ARNT: variants seen among roughly 807,000 people sequenced by gnomAD.
ARNT encodes the protein aryl hydrocarbon receptor nuclear translocator.
In ARNT, 30 loss-of-function variants were observed where a neutral mutation model predicts 105.0. That is an observed-to-expected ratio of 0.29 (90% CI 0.21 to 0.39). ARNT has a LOEUF of 0.39. Ranked by LOEUF, ARNT falls within the 10% of genes least tolerant of loss-of-function variation. ARNT has a pLI of 1.00. For missense variants in ARNT, 748 were observed against 978.7 expected (o/e 0.76, Z 3.15); for synonymous variants, 304 against 344.0 (o/e 0.88, Z 1.29).
rs1432458980 is a variant in ARNT at position 150,816,388 on chromosome 1, A to T, written c.1821T>A (p.Pro607=). ...CTGATGGCTGGACAATGGTTACAGG[A>T]GGGGCTAGGCCACTATTCCTAGGAG... ...AENFRNSGLA[P]PVTIVQPSAS... is the part of the protein sequence containing the mutation. Residue 607 remains proline, a synonymous_variant, in exon 19 of 22, where the codon CCT becomes CCA. Transcript: ENST00000358595. 6.2e-7 allele frequency: 1 copy of T among 1,606,318 alleles called. No individual in the cohort carries two copies. Among genetic ancestry groups the T allele is most frequent in the Non-Finnish European group, 8.5e-7 (1 of 1,177,922 alleles).
chr1:150,856,478 T>C (rs1211535486), intron 2 of ARNT, among the ~76,000 whole-genome samples: 1 of 150,400 alleles, frequency 6.6e-6, no homozygotes, highest in Non-Finnish European at 1.5e-5. Flanking sequence ...AAAAGAAATA[T>C]TAGGCCGGGC....
intron 8 of ARNT, among the ~76,000 whole-genome samples, chr1:150,833,710 A>G (rs1659752118): frequency 6.7e-6 from 1 of 150,212 alleles, no homozygotes; most frequent in African/African-American, 2.5e-5. Context: ...ACAGAATCCT[A>G]AAACGTACAG....
In ARNT at chr1:150,809,876, T is replaced by C. The variant is rs1312566748; in HGVS notation, c.*2145A>G. ...ATGGTCAGAGCATTCCTGCTGATGTTACTCAGAATGTGTCAGGATCAGGAG... is the reference window on the plus strand; with the variant it reads ...ATGGTCAGAGCATTCCTGCTGATGTCACTCAGAATGTGTCAGGATCAGGAG... On this transcript the variant is annotated 3_prime_UTR_variant, in exon 22 of 22. Coordinates refer to ENST00000358595, the MANE Select transcript of ARNT (RefSeq NM_001668.4). 4.5e-6 allele frequency: 1 copy of C among 224,110 alleles called. No homozygotes were observed. The highest frequency in any genetic ancestry group is 2.2e-5 in the African/African-American group (1 of 44,762). 13.9% of individuals were successfully genotyped at this position (224,110 alleles called of 1,614,324 possible).
At chr1:150,818,311 A>G (rs982058756) in intron 14 of ARNT, 1 of 272,866 alleles carries the variant, frequency 3.7e-6, no homozygotes, top group African/African-American at 2.2e-5. Context: ...ATATATTCAT[A>G]TAAGGTATTT....
chr1:150,850,595 CCAGGCTGGAGTGCAGTGGCGTGAT>C (rs1663174314), intron 3 of ARNT, among the ~76,000 whole-genome samples: 1 of 152,212 alleles, frequency 6.6e-6, no homozygotes, highest in Non-Finnish European at 1.5e-5. Flanking sequence ...TCAATGTTGC[CCAGGCTGGAGTGCAGTGGCGTGAT>C]CTCGGCTCGC....
intron 1 of ARNT, among the ~76,000 whole-genome samples, chr1:150,866,980 T>C (rs1481997095): frequency 6.6e-6 from 1 of 151,946 alleles, no homozygotes; most frequent in Non-Finnish European, 1.5e-5. Context: ...CCAAGGCAGG[T>C]GGATCACTTG....
chr1:150,812,412 T>C (rs930283795), intron 21 of ARNT, among the ~76,000 whole-genome samples: 1 of 152,208 alleles, frequency 6.6e-6, no homozygotes, highest in African/African-American at 2.4e-5. Flanking sequence ...ATGGAGTCTC[T>C]TATCCTATTT....
chr1:150,832,882 T>C (rs587751589), intron 8 of ARNT, among the ~76,000 whole-genome samples: 23 of 152,366 alleles, frequency 1.5e-4, no homozygotes, highest in African/African-American at 5.5e-4. Context: ...CTCTTGCCTA[T>C]GTCTTTGCAT....
At chr1:150,819,674 G>A (rs1656665687) in intron 14 of ARNT, among the ~76,000 whole-genome samples, 1 of 152,040 alleles carries the variant, frequency 6.6e-6, no homozygotes, top group African/African-American at 2.4e-5. Flanking sequence ...AGTTACAAAG[G>A]AATTACAAAG....
chr1:150,818,175 C>A (rs184607616), intron 14 of ARNT, 145 bp from the exon 15 acceptor site: 12 of 609,196 alleles, frequency 2.0e-5, no homozygotes, highest in African/African-American at 3.7e-5. Flanking sequence ...CATTAAAGTC[C>A]TATCCTATAG....
At chr1:150,814,511 T>C (rs912979617) in intron 19 of ARNT, among the ~76,000 whole-genome samples, 1 of 152,230 alleles carries the variant, frequency 6.6e-6, no homozygotes, top group African/African-American at 2.4e-5. Flanking sequence ...TGTGAAGTTA[T>C]ATAAAACTAG....
intron 12 of ARNT, among the ~76,000 whole-genome samples, chr1:150,827,709 A>T (rs1658559640): frequency 6.6e-6 from 1 of 152,224 alleles, no homozygotes; most frequent in South Asian, 2.1e-4. Flanking sequence ...TTGCTAGGTT[A>T]TAGGCTAAGA....
chr1:150,811,922 GA>G lies in ARNT; in HGVS notation c.*98del. ...GGTACATGTCAGGGGTGAGGGAAGG[GA>G]AGGGAGAGGAACTTTTATTCTGTTT... On this transcript the variant is annotated 3_prime_UTR_variant, in exon 22 of 22. Coordinates refer to ENST00000358595, the MANE Select transcript of ARNT (RefSeq NM_001668.4). The G allele has an allele frequency of 1.1e-6, 1 of 893,898 alleles. No individual in the cohort carries two copies. The allele number at this position is 893,898 out of a possible 1,614,324, so 55.4% of individuals were successfully genotyped here. A position where few individuals can be genotyped will look rare whatever the true frequency, so the allele number is the denominator to read the frequency against.
intron 18 of ARNT, 36 bp from the exon 19 acceptor site, chr1:150,816,442 A>G (rs1354141727): frequency 2.5e-6 from 4 of 1,590,192 alleles, no homozygotes; most frequent in Middle Eastern, 1.8e-4. Flanking sequence ...GATTAAAAGG[A>G]TAGATTTATC....
chr1:150,856,000 G>A (rs980213389), intron 2 of ARNT, among the ~76,000 whole-genome samples: 2 of 152,114 alleles, frequency 1.3e-5, no homozygotes, highest in African/African-American at 2.4e-5. Context: ...AAGGTGAAAA[G>A]ACTAGGCCAT....
rs1654571270 is a variant in ARNT, at chr1:150,810,713, T to G, written c.*1308A>C. On this transcript the variant is annotated 3_prime_UTR_variant, in exon 22 of 22. Coordinates refer to ENST00000358595, the MANE Select transcript of ARNT (RefSeq NM_001668.4). Reference sequence around the variant, plus strand: ...GTGAGGGTAGTAACCTGTATCCGCATTTATATGGCTATTGTTAATTACCAA... The same window carrying G: ...GTGAGGGTAGTAACCTGTATCCGCAGTTATATGGCTATTGTTAATTACCAA... 4.6e-6 allele frequency: 1 copy of G among 219,362 alleles called. No individual in the cohort carries two copies. Among genetic ancestry groups the G allele is most frequent in the Non-Finnish European group, 9.2e-6 (1 of 109,094 alleles). The allele number at this position is 219,362 out of a possible 1,614,324, so 13.6% of individuals were successfully genotyped here. A position where few individuals can be genotyped will look rare whatever the true frequency, so the allele number is the denominator to read the frequency against.
At chr1:150,871,291 G>A (rs587773259) in intron 1 of ARNT, among the ~76,000 whole-genome samples, 1 of 140,812 alleles carries the variant, frequency 7.1e-6, no homozygotes, top group Non-Finnish European at 1.5e-5. Context: ...TTAGGCAGTC[G>A]TGGTTTTTTT....
At chr1:150,849,628 T>C (rs1037803257) in intron 3 of ARNT, among the ~76,000 whole-genome samples, 4 of 152,074 alleles carry the variant, frequency 2.6e-5, no homozygotes, top group Non-Finnish European at 5.9e-5. Flanking sequence ...CCAGGTATTA[T>C]GGCTCACACC....
chr1:150,875,670 G>C (rs587641255), intron 1 of ARNT, among the ~76,000 whole-genome samples: 1 of 152,176 alleles, frequency 6.6e-6, no homozygotes, highest in Non-Finnish European at 1.5e-5. Context: ...AAAGAGGGCT[G>C]GGACTAGTAA....
Sources: allele counts gnomAD v4.1 joint callset (sites outside exome capture counted in the v4.1 genomes callset), GRCh38; gene constraint gnomAD v4.1.1; transcripts MANE v1.5; gene names NCBI Gene and HGNC (gene_info 2026-07-23, HGNC 2026-07-21).